The following BAG4 variants were observed in gnomAD, a reference collection of about 807,000 sequenced individuals.
BAG4 encodes BAG cochaperone 4.
A neutral mutation model predicts 52.1 loss-of-function variants in BAG4; 28 were observed. That is an observed-to-expected ratio of 0.54 (90% CI 0.40 to 0.74). The LOEUF is 0.74. Among genes scored for constraint, BAG4 ranks in the 30% least tolerant of loss-of-function variants. The pLI is 0.00. For missense variants in BAG4, 525 were observed against 572.0 expected (o/e 0.92, Z 0.84); for synonymous variants, 208 against 217.0 (o/e 0.96, Z 0.37).
intron 1 of BAG4, among the ~76,000 whole-genome samples, chr8:38,182,846 A>G (rs1309515883): frequency 6.6e-6 from 1 of 152,102 alleles, no homozygotes; most frequent in African/African-American, 2.4e-5. Context: ...TTTCCTTAAG[A>G]CAATAAAATT....
intron 3 of BAG4, 140 bp from the exon 4 acceptor site, chr8:38,208,873 G>T: frequency 9.3e-7 from 1 of 1,078,024 alleles, no homozygotes; most frequent in Non-Finnish European, 1.3e-6. Context: ...TGATTAATTA[G>T]ATTTACTACA....
chr8:38,207,854 A>G, intron 3 of BAG4, 88 bp downstream of exon 3: 1 of 1,449,752 alleles, frequency 6.9e-7, no homozygotes, highest in Non-Finnish European at 9.3e-7. Context: ...ACTAGTGCTG[A>G]TTTAATAAGA....
chr8:38,179,363 G>A (rs1251058358), intron 1 of BAG4, among the ~76,000 whole-genome samples: 2 of 151,726 alleles, frequency 1.3e-5, no homozygotes, highest in African/African-American at 4.8e-5. Context: ...TGTCGTGTGG[G>A]CCAGGTTGGT....
chr8:38,207,462 C>A, intron 2 of BAG4, 50 bp from the exon 3 acceptor site: 1 of 1,576,472 alleles, frequency 6.3e-7, no homozygotes, highest in Non-Finnish European at 8.7e-7. Flanking sequence ...CAGGGCATTT[C>A]AGCTCTTCTA....
chr8:38,177,020 C>T lies in BAG4; in HGVS notation c.151C>T (p.Arg51Trp), dbSNP rs868231605. ...PEPPQPPISW[R>W]VRGGGPAETT... is the part of the protein sequence containing the mutation. ...ACCTCCCCAGCCTCCCATTTCCTGG[C>T]GGGTGCGCGGGGGCGGCCCGGCGGA... The change falls in exon 1 of 5, where the codon CGG (arginine) becomes TGG (tryptophan). Residue 51 changes from arginine (R) to tryptophan (W), a missense_variant. By Grantham distance (101) the Arg-to-Trp change is moderately radical. Transcript: ENST00000287322. 3.1e-6 allele frequency: 5 copies of T among 1,603,920 alleles called. No homozygotes were observed. Among genetic ancestry groups the T allele is most frequent in the African/African-American group, 1.3e-5 (1 of 74,914 alleles).
chr8:38,181,296 G>A (rs1803266025), intron 1 of BAG4, among the ~76,000 whole-genome samples: 1 of 147,730 alleles, frequency 6.8e-6, no homozygotes, highest in Non-Finnish European at 1.5e-5. Context: ...GCGCAATGGC[G>A]CCATCTTGGC....
At chr8:38,209,399 CT>C in intron 4 of BAG4, 132 bp downstream of exon 4, 1 of 1,199,126 alleles carries the variant, frequency 8.3e-7, no homozygotes, top group Non-Finnish European at 1.1e-6. Context: ...TTATCTATAG[CT>C]TTACCTCAGC....
At chr8:38,198,494 G>GT (rs368761607) in intron 2 of BAG4, among the ~76,000 whole-genome samples, 1,186 of 106,606 alleles carry the variant, frequency 0.011, 11 homozygotes, top group African/African-American at 0.03. Flanking sequence ...TTTGTTTTTT[G>GT]TTTTTTTTTT....
chr8:38,179,443 C>T (rs1168735980), intron 1 of BAG4, among the ~76,000 whole-genome samples: 2 of 151,956 alleles, frequency 1.3e-5, no homozygotes, highest in African/African-American at 4.8e-5. Context: ...AGGTGTGAGC[C>T]ACAGTGCCCG....
chr8:38,181,886 CAAAAAAAAAAAAAA>C (rs34268146), intron 1 of BAG4, among the ~76,000 whole-genome samples: 32 of 37,248 alleles, frequency 8.6e-4, no homozygotes, highest in South Asian at 6.2e-3. Context: ...GAGACTATCT[CAAAAAAAAAAAAAA>C]AAAAAAAAAA....
At chr8:38,179,452 C>T (rs555610759) in intron 1 of BAG4, among the ~76,000 whole-genome samples, 2 of 151,984 alleles carry the variant, frequency 1.3e-5, no homozygotes, top group South Asian at 2.1e-4. Context: ...CCACAGTGCC[C>T]GGCCAAGATT....
At chr8:38,192,405 T>C (rs1354287270) in intron 1 of BAG4, among the ~76,000 whole-genome samples, 1 of 152,176 alleles carries the variant, frequency 6.6e-6, no homozygotes, top group Non-Finnish European at 1.5e-5. Context: ...ACTGAATAAT[T>C]AGCAGTTTTA....
At chr8:38,202,601 C>T (rs1223689032) in intron 2 of BAG4, among the ~76,000 whole-genome samples, 1 of 148,356 alleles carries the variant, frequency 6.7e-6, no homozygotes, top group African/African-American at 2.5e-5. Flanking sequence ...AGTGCAATGG[C>T]ATGATCACAG....
intron 4 of BAG4, 114 bp downstream of exon 4, chr8:38,209,381 G>A (rs2130693508): frequency 7.0e-7 from 1 of 1,418,934 alleles, no homozygotes; most frequent in Admixed American, 2.3e-5. Flanking sequence ...CAAAAAGTTG[G>A]TGACTACTTA....
At position 38,210,671 on chromosome 8, in the gene BAG4, G is replaced by A. The variant is rs929597728; in HGVS notation, c.*178G>A. 1.3e-6 allele frequency: 1 copy of A among 767,714 alleles called. No individual in the cohort carries two copies. The highest frequency in any genetic ancestry group is 1.9e-6 in the Non-Finnish European group (1 of 527,308). The allele number at this position is 767,714 out of a possible 1,614,324, so 47.6% of individuals were successfully genotyped here. Reference sequence around the variant, plus strand: ...TGGAAGAATATTTTAGTCATGAGTTGTTTTCAGTTTTCAGACGAATGAATG... The same window carrying A: ...TGGAAGAATATTTTAGTCATGAGTTATTTTCAGTTTTCAGACGAATGAATG... On this transcript the variant is annotated 3_prime_UTR_variant, in exon 5 of 5. Coordinates refer to ENST00000287322, the MANE Select transcript of BAG4 (RefSeq NM_004874.4).
chr8:38,209,286 G>C lies in BAG4; in HGVS notation c.888+19G>C. ...GCCCAAGGTAGGAGACCTAAATGTT[G>C]TTCCTTTAATGTGTGTGTAATTAGG... On this transcript the variant is annotated intron_variant, in intron 4 of 4. Transcript: ENST00000287322. The C allele has an allele frequency of 6.2e-7, 1 of 1,613,970 alleles. No individual in the cohort carries two copies. Among genetic ancestry groups the C allele is most frequent in the Non-Finnish European group, 8.5e-7 (1 of 1,179,948 alleles).
chr8:38,204,791 G>A (rs149429926), intron 2 of BAG4, among the ~76,000 whole-genome samples: 1 of 152,158 alleles, frequency 6.6e-6, no homozygotes, highest in East Asian at 1.9e-4. Context: ...GTACATGGCC[G>A]TCGTGTATTT....
chr8:38,200,400 CA>C (rs1295417639), intron 2 of BAG4, among the ~76,000 whole-genome samples: 1 of 152,100 alleles, frequency 6.6e-6, no homozygotes, highest in African/African-American at 2.4e-5. Context: ...AAGCCAATAC[CA>C]AACTGTTTTG....
At chr8:38,179,121 G>A (rs1036143350) in intron 1 of BAG4, among the ~76,000 whole-genome samples, 1 of 152,094 alleles carries the variant, frequency 6.6e-6, no homozygotes, top group African/African-American at 2.4e-5. Context: ...GTAAACAATT[G>A]TATGAGAAAA....
Sources: gnomAD v4.1 joint callset for allele counts (sites outside exome capture counted in the v4.1 genomes callset) on GRCh38, gnomAD v4.1.1 for gene constraint, MANE v1.5 for transcripts, NCBI Gene and HGNC (gene_info 2026-07-23, HGNC 2026-07-21) for gene names.